AGO3: variants seen among roughly 807,000 people sequenced by gnomAD.
The protein encoded by AGO3 is argonaute RISC catalytic component 3.
In AGO3, 16 loss-of-function variants were observed where a neutral mutation model predicts 105.5. The observed-to-expected ratio is 0.15, with a 90% confidence interval of 0.10 to 0.23. AGO3 has a LOEUF of 0.23. Ranked by LOEUF, AGO3 falls within the 10% of genes least tolerant of loss-of-function variation. The pLI, the probability that AGO3 is intolerant of heterozygous loss-of-function variation, is 1.00. For synonymous variants in AGO3, 340 were observed against 367.3 expected (o/e 0.93, Z 0.85); for missense variants, 534 against 1,088.0 (o/e 0.49, Z 7.16).
intron 6 of AGO3, among the ~76,000 whole-genome samples, chr1:36,006,991 T>C (rs1207736596): frequency 6.6e-6 from 1 of 152,350 alleles, no homozygotes; most frequent in Middle Eastern, 3.4e-3. Flanking sequence ...ATTGACATTT[T>C]GGGCTGGATA....
At chr1:36,036,948 G>A (rs1398882505) in intron 14 of AGO3, among the ~76,000 whole-genome samples, 1 of 151,866 alleles carries the variant, frequency 6.6e-6, no homozygotes, top group Non-Finnish European at 1.5e-5. Flanking sequence ...CACCTGCTTC[G>A]GCCTCCCAGA....
In AGO3 at chr1:36,066,994, C is replaced by G. The variant is rs1307361649; in HGVS notation, c.*11249C>G. The G allele has an allele frequency of 2.0e-5, 3 of 152,298 alleles. No individual in the cohort carries two copies. The highest frequency in any genetic ancestry group is 3.4e-3 in the Middle Eastern group (1 of 294). The allele number at this position is 152,298 out of a possible 1,614,324, so 9.4% of individuals were successfully genotyped here. A position where few individuals can be genotyped will look rare whatever the true frequency, so the allele number is the denominator to read the frequency against. On this transcript the variant is annotated 3_prime_UTR_variant, in exon 19 of 19. Coordinates refer to ENST00000373191, the MANE Select transcript of AGO3 (RefSeq NM_024852.4). ...TGTTGTCCCAGACCCAAAGGCACAC[C>G]TATTCTCAGTAACTTAGAGAAGTCT... is the stretch of plus-strand genomic sequence containing the variant.
chr1:35,933,469 C>G (rs1646091026), intron 1 of AGO3, among the ~76,000 whole-genome samples: 1 of 151,674 alleles, frequency 6.6e-6, no homozygotes, highest in South Asian at 2.1e-4. Context: ...ATAGTGAGAC[C>G]TGCCTCTACA....
chr1:35,982,634 G>A (rs1466075131), intron 5 of AGO3: 1 of 717,742 alleles, frequency 1.4e-6, no homozygotes, highest in Admixed American at 2.0e-5. Context: ...GAGACCTCTG[G>A]CAGCAGTGTG....
rs147569425 is a variant in AGO3 at position 36,043,911 on chromosome 1, T to A, written c.2274+363T>A. On this transcript the variant is annotated intron_variant, in intron 17 of 18. Transcript: ENST00000373191. ...AGAGAAAGCACTATTTTGCTCAGGC[T>A]AGACTAGAACTCTTGGGCTCAAGCA... Among the ~76,000 whole-genome samples, 265 of 151,958 alleles carry A rather than the reference T, an allele frequency of 1.7e-3. 1 individual carries two copies. The highest frequency in any genetic ancestry group is 4.6e-3 in the African/African-American group (189 of 41,462).
rs990075959 is a variant in AGO3 at position 35,995,860 on chromosome 1, T to C, written c.659-8481T>C. On this transcript the variant is annotated intron_variant, in intron 5 of 18. Transcript: ENST00000373191. ...GCCTGGGTAATTTTTGTAGTTTTAG[T>C]AGAGACGAGGTTTTACCATGTTGGC... Among the ~76,000 whole-genome samples the C allele has an allele frequency of 9.8e-4, 149 of 152,038 alleles. 2 individuals are homozygous for C. Among genetic ancestry groups the C allele is most frequent in the African/African-American group, 3.5e-3 (143 of 41,378 alleles).
intron 1 of AGO3, among the ~76,000 whole-genome samples, chr1:35,934,867 G>A (rs539738237): frequency 6.6e-6 from 1 of 152,106 alleles, no homozygotes; most frequent in Non-Finnish European, 1.5e-5. Flanking sequence ...GGCCAGGCTG[G>A]TCTTGAACTC....
chr1:36,018,469 C>T lies in AGO3; in HGVS notation c.1406+4421C>T, dbSNP rs138761653. ...TTGTTTTTTGGTTTTTGTTTTGAGACGGAGTCTTGCTCTGTCACCAGGCTG... is the reference window on the plus strand; with the variant it reads ...TTGTTTTTTGGTTTTTGTTTTGAGATGGAGTCTTGCTCTGTCACCAGGCTG... On this transcript the variant is annotated intron_variant, in intron 11 of 18. Coordinates refer to ENST00000373191, the MANE Select transcript of AGO3 (RefSeq NM_024852.4). Among the ~76,000 whole-genome samples the T allele has an allele frequency of 4.8e-3, 734 of 151,810 alleles. 8 individuals are homozygous for T. The highest frequency in any genetic ancestry group is 7.8e-3 in the Admixed American group (118 of 15,222).
rs564391214 is a variant in AGO3 at position 35,968,308 on chromosome 1, C to G, written c.312+1233C>G. On this transcript the variant is annotated intron_variant, in intron 3 of 18. Transcript: ENST00000373191. Reference sequence around the variant, plus strand: ...GTAACATAAAATTTACCGTCTTAACCATTTTTAAGGTATATTTCAGTGGTA... The same window carrying G: ...GTAACATAAAATTTACCGTCTTAACGATTTTTAAGGTATATTTCAGTGGTA... Among the ~76,000 whole-genome samples the G allele has an allele frequency of 5.9e-5, 9 of 152,168 alleles. No homozygotes were observed. In the East Asian group the frequency reaches 1.4e-3, roughly 23 times the overall value.
intron 2 of AGO3, among the ~76,000 whole-genome samples, chr1:35,954,174 TAA>T (rs1646523337): frequency 6.6e-6 from 1 of 152,182 alleles, no homozygotes; most frequent in South Asian, 2.1e-4. Context: ...AGCTAATAAA[TAA>T]GTTTTATTTT....
At chr1:36,018,519 A>G (rs1178900769) in intron 11 of AGO3, among the ~76,000 whole-genome samples, 2 of 150,502 alleles carry the variant, frequency 1.3e-5, no homozygotes, top group Admixed American at 6.6e-5. Context: ...TGCAACCTCC[A>G]TCTCCCGGGT....
upstream of AGO3, chr1:35,931,101 G>A (rs148583974): frequency 4.3e-3 from 1,645 of 386,934 alleles, 6 homozygotes; most frequent in Non-Finnish European, 5.9e-3. Context: ...GGGCGGCCCC[G>A]GGCAGGTCGG....
At chr1:36,016,156 C>T (rs1181664705) in intron 11 of AGO3, among the ~76,000 whole-genome samples, 1 of 152,130 alleles carries the variant, frequency 6.6e-6, no homozygotes, top group Non-Finnish European at 1.5e-5. Context: ...AGCTTATCCA[C>T]TATTTACCCA....
chr1:36,041,488 G>A (rs930244827), intron 16 of AGO3, among the ~76,000 whole-genome samples: 12 of 152,182 alleles, frequency 7.9e-5, no homozygotes, highest in Non-Finnish European at 1.5e-4. Flanking sequence ...TGATCCGCCT[G>A]CCTCGGCCTG....
chr1:36,049,496 G>A (rs1642612401), intron 17 of AGO3, among the ~76,000 whole-genome samples: 1 of 148,758 alleles, frequency 6.7e-6, no homozygotes, highest in Non-Finnish European at 1.5e-5. Context: ...CCAACCTGGC[G>A]ACAGAGCAAG....
In AGO3 at chr1:35,994,072, T is replaced by C. The variant is rs572247018; in HGVS notation, c.659-10269T>C. Among the ~76,000 whole-genome samples, 6 of 110,048 alleles carry C rather than the reference T, an allele frequency of 5.5e-5. No homozygotes were observed. In the East Asian group the frequency reaches 1.9e-3, roughly 35 times the overall value. 72.2% of individuals were successfully genotyped at this position (110,048 alleles called of 152,430 possible). A position where few individuals can be genotyped will look rare whatever the true frequency, so the allele number is the denominator to read the frequency against. Reference sequence around the variant, plus strand: ...TTTTTTTTTTTTTTTTTTTTTTGAGTCAGGTTCTTACTCTGTCACCCAGGC... The same window carrying C: ...TTTTTTTTTTTTTTTTTTTTTTGAGCCAGGTTCTTACTCTGTCACCCAGGC... On this transcript the variant is annotated intron_variant, in intron 5 of 18. Coordinates refer to ENST00000373191, the MANE Select transcript of AGO3 (RefSeq NM_024852.4).
intron 3 of AGO3, among the ~76,000 whole-genome samples, chr1:35,969,259 C>G (rs1032596221): frequency 3.9e-5 from 6 of 152,088 alleles, no homozygotes; most frequent in Admixed American, 6.6e-5. Context: ...TGGACATTAA[C>G]TTCTTATCAG....
intron 12 of AGO3, among the ~76,000 whole-genome samples, chr1:36,031,250 C>T (rs558433177): frequency 3.3e-5 from 5 of 152,086 alleles, no homozygotes; most frequent in Admixed American, 1.3e-4. Flanking sequence ...GACCATAGTG[C>T]ACTGCAGCCC....
chr1:36,027,474 G>A lies in AGO3; in HGVS notation c.1591+176G>A, dbSNP rs1641555132. 6.6e-6 allele frequency among the ~76,000 whole-genome samples: 1 copy of A among 152,186 alleles called. No homozygotes were observed. The highest frequency in any genetic ancestry group is 1.5e-5 in the Non-Finnish European group (1 of 68,038). On this transcript the variant is annotated intron_variant, in intron 12 of 18. Coordinates refer to ENST00000373191, the MANE Select transcript of AGO3 (RefSeq NM_024852.4). The surrounding 1 kb of genome is among the most constrained non-coding windows in gnomAD (Gnocchi z 4.0). Reference sequence around the variant, plus strand: ...TAGCAAACTAAATAGTCCAAGATGAGACATTGTAAAAAGAGTTTCCGGGCT... The same window carrying A: ...TAGCAAACTAAATAGTCCAAGATGAAACATTGTAAAAAGAGTTTCCGGGCT...
Sources: allele counts gnomAD v4.1 joint callset (sites outside exome capture counted in the v4.1 genomes callset), GRCh38; gene constraint gnomAD v4.1.1; non-coding constraint Gnocchi (gnomAD v3.1); transcripts MANE v1.5; gene names NCBI Gene and HGNC (gene_info 2026-07-23, HGNC 2026-07-21).